Variants in FANCL observed in about 807,000 individuals in gnomAD.
The protein encoded by FANCL is E3 ubiquitin-protein ligase FANCL.
In FANCL, 69 loss-of-function variants were observed where a neutral mutation model predicts 59.4. The observed-to-expected ratio is 1.16, with a 90% CI of 0.96 to 1.42. The LOEUF (loss-of-function observed/expected upper bound fraction) is 1.42, where lower values mean the gene tolerates loss of function less well. FANCL is among the 40% of genes most tolerant of loss of function. The probability of loss-of-function intolerance (pLI) is 0.00; values close to 1 mark genes in which losing one functional copy is unlikely to be tolerated. For synonymous variants in FANCL, 180 were observed against 147.1 expected, an observed-to-expected ratio of 1.22 and a Z score of -1.62; for missense variants, 519 against 447.2, an observed-to-expected ratio of 1.16 and a Z score of -1.45.
At chr2:58,176,372 T>C (rs1447684173) in intron 7 of FANCL, among the ~76,000 whole-genome samples, 1 of 151,708 alleles carries the variant, frequency 6.6e-6, no homozygotes, top group East Asian at 1.9e-4. Context: ...CTACCTGACT[T>C]CAAACTATAC....
intron 7 of FANCL, among the ~76,000 whole-genome samples, chr2:58,195,644 T>C (rs1175631338): frequency 2.6e-5 from 4 of 152,064 alleles, no homozygotes; most frequent in African/African-American, 9.7e-5. Flanking sequence ...GAGATATTTA[T>C]ATCCCATATA....
At chr2:58,166,021 C>A in intron 7 of FANCL, 147 bp from the exon 8 acceptor site, 1 of 725,160 alleles carries the variant, frequency 1.4e-6, no homozygotes, top group South Asian at 1.7e-5. Context: ...TCGACTCTCC[C>A]TGCTTCACAT....
chr2:58,170,101 G>A (rs530227335), intron 7 of FANCL, among the ~76,000 whole-genome samples: 1 of 152,240 alleles, frequency 6.6e-6, no homozygotes, highest in South Asian at 2.1e-4. Context: ...CATCAAGGTT[G>A]AAATGAAGGA....
chr2:58,177,228 C>A (rs1205233473), intron 7 of FANCL, among the ~76,000 whole-genome samples: 1 of 152,022 alleles, frequency 6.6e-6, no homozygotes, highest in Non-Finnish European at 1.5e-5. Flanking sequence ...TGTGGCGATT[C>A]CTCAGGGATC....
rs775011832 is a variant in FANCL, at chr2:58,163,555, C to G, written c.692-38G>C. 7 of 1,277,820 alleles carry G rather than the reference C, an allele frequency of 5.5e-6. No homozygotes were observed. In the South Asian group the frequency reaches 7.2e-5, roughly 13 times the overall value. 79.2% of individuals were successfully genotyped at this position (1,277,820 alleles called of 1,614,324 possible). ...AAGATTAAATCTTTTAGAAGTAGAA[C>G]AGCTCATCAAACAACCCAATAAAAA... On this transcript the variant is annotated intron_variant, in intron 8 of 13. Coordinates refer to ENST00000233741, the MANE Select transcript of FANCL (RefSeq NM_018062.4).
At chr2:58,194,928 A>C (rs967491735) in intron 7 of FANCL, among the ~76,000 whole-genome samples, 1 of 150,626 alleles carries the variant, frequency 6.6e-6, no homozygotes, top group Non-Finnish European at 1.5e-5. Context: ...TTATATCACA[A>C]AAAAAAAAGA....
Position 58,163,348 on chromosome 2 carries a change from TATACTA to T in FANCL, c.775+80_775+85del, listed in dbSNP as rs1294073877. On this transcript the variant is annotated intron_variant, in intron 9 of 13. Transcript: ENST00000233741. ...GACAAAAAATAAAAACTACCATTAATATACTAATATTGTCTAATAATTTAACAATGC... is the reference window on the plus strand; with the variant it reads ...GACAAAAAATAAAAACTACCATTAATATATTGTCTAATAATTTAACAATGC... The T allele has an allele frequency of 6.4e-6, 6 of 937,340 alleles. No homozygotes were observed. In the African/African-American group the frequency reaches 9.9e-5, roughly 16 times the overall value. 58.1% of individuals were successfully genotyped at this position (937,340 alleles called of 1,614,324 possible). A position where few individuals can be genotyped will look rare whatever the true frequency, so the allele number is the denominator to read the frequency against.
intron 5 of FANCL, among the ~76,000 whole-genome samples, chr2:58,218,277 C>T (rs1692042404): frequency 6.6e-6 from 1 of 151,360 alleles, no homozygotes; most frequent in African/African-American, 2.4e-5. Flanking sequence ...GGAAGCAAAT[C>T]TAAAAAAATT....
At chr2:58,225,190 T>G (rs1199395148) in intron 4 of FANCL, among the ~76,000 whole-genome samples, 1 of 151,134 alleles carries the variant, frequency 6.6e-6, no homozygotes, top group Non-Finnish European at 1.5e-5. Context: ...AAAAAATTAA[T>G]TAAATATATA....
intron 5 of FANCL, among the ~76,000 whole-genome samples, chr2:58,211,226 T>C (rs192128277): frequency 6.6e-6 from 1 of 152,312 alleles, no homozygotes; most frequent in Admixed American, 6.5e-5. Context: ...GAAACCTCAG[T>C]TCTGGACTTC....
rs189410042 is a variant in FANCL at position 58,181,823 on chromosome 2, G to A, written c.541-15949C>T. ...ATATTAAATAAATGATATAAATTAC[G>A]TATGAGTTATTTGTTATAACTGAGA... On this transcript the variant is annotated intron_variant, in intron 7 of 13. Transcript: ENST00000233741. 2.1e-4 allele frequency among the ~76,000 whole-genome samples: 32 copies of A among 151,778 alleles called. No homozygotes were observed. In the East Asian group the frequency reaches 2.1e-3, roughly 10 times the overall value.
intron 7 of FANCL, among the ~76,000 whole-genome samples, chr2:58,192,426 A>G (rs960351149): frequency 6.6e-6 from 1 of 151,950 alleles, no homozygotes; most frequent in African/African-American, 2.4e-5. Context: ...AGTTATAACA[A>G]CTTAGAAAAC....
At chr2:58,200,102 G>A (rs1405886067) in intron 6 of FANCL, among the ~76,000 whole-genome samples, 5 of 147,218 alleles carry the variant, frequency 3.4e-5, no homozygotes, top group African/African-American at 1.3e-4. Context: ...GTCTACTTCT[G>A]GAAAAAAAAA....
chr2:58,222,898 G>C (rs1395971712), intron 4 of FANCL, among the ~76,000 whole-genome samples: 2 of 151,866 alleles, frequency 1.3e-5, no homozygotes, highest in Non-Finnish European at 2.9e-5. Flanking sequence ...AAAGTAGATA[G>C]GGACAAGTTG....
intron 8 of FANCL, among the ~76,000 whole-genome samples, chr2:58,164,561 G>C (rs143710592): frequency 6.6e-6 from 1 of 151,764 alleles, no homozygotes; most frequent in Non-Finnish European, 1.5e-5. Context: ...TCAAAACTTG[G>C]TCTTAAGAAA....
intron 7 of FANCL, among the ~76,000 whole-genome samples, chr2:58,168,665 A>T (rs1341169447): frequency 6.6e-6 from 1 of 151,988 alleles, no homozygotes; most frequent in African/African-American, 2.4e-5. Flanking sequence ...AGTGGATCCC[A>T]CCCCAAGAAG....
chr2:58,169,126 G>C (rs1686264778), intron 7 of FANCL, among the ~76,000 whole-genome samples: 1 of 152,178 alleles, frequency 6.6e-6, no homozygotes, highest in South Asian at 2.1e-4. Context: ...TCCTCAAGCA[G>C]GGGTCAAAAG....
chr2:58,229,242 AGAATTATATTAT>A (rs2103876402), intron 3 of FANCL, among the ~76,000 whole-genome samples: 1 of 152,340 alleles, frequency 6.6e-6, no homozygotes, highest in East Asian at 1.9e-4. Context: ...TTCTAAAAGA[AGAATTATATTAT>A]GTCATTATTT....
At chr2:58,201,860 G>A (rs1690056985) in intron 6 of FANCL, among the ~76,000 whole-genome samples, 1 of 151,558 alleles carries the variant, frequency 6.6e-6, no homozygotes, top group Non-Finnish European at 1.5e-5. Context: ...ATGTATTCCA[G>A]AATAAATAGA....
Sources: allele counts gnomAD v4.1 joint callset (sites outside exome capture counted in the v4.1 genomes callset), GRCh38; gene constraint gnomAD v4.1.1; transcripts MANE v1.5; gene names NCBI Gene and HGNC (gene_info 2026-07-23, HGNC 2026-07-21).